The following HTR2C variants were observed in gnomAD, a reference collection of about 807,000 sequenced individuals.
The protein encoded by HTR2C is 5-hydroxytryptamine receptor 2C, also known as 5-hydroxytryptamine (serotonin) receptor 2C, G protein-coupled.
A neutral mutation model predicts 21.0 loss-of-function variants in HTR2C; 5 were observed. That is an observed-to-expected ratio of 0.24 (90% confidence interval 0.12 to 0.50). The LOEUF (loss-of-function observed/expected upper bound fraction) is 0.50, where lower values mean the gene tolerates loss of function less well. Ranked by LOEUF, HTR2C falls within the 20% of genes least tolerant of loss-of-function variation. HTR2C has a pLI of 0.98. For synonymous variants in HTR2C, 150 were observed against 145.3 expected, an observed-to-expected ratio of 1.03 and a Z score of -0.23; for missense variants, 271 against 371.2, an observed-to-expected ratio of 0.73 and a Z score of 2.22.
intron 4 of HTR2C, among the ~76,000 whole-genome samples, chrX:114,755,627 T>C (rs1302638373): frequency 8.9e-6 from 1 of 111,782 alleles, no homozygotes; most frequent in Non-Finnish European, 1.9e-5. Flanking sequence ...TGAGGTAACA[T>C]TCAAAGGTTC....
intron 2 of HTR2C, among the ~76,000 whole-genome samples, chrX:114,718,995 AAT>A (rs58055264): frequency 0.2 from 2,711 of 13,385 alleles, 45 homozygotes; most frequent in East Asian, 0.41. Context: ...ATAATAATAT[AAT>A]ATATAATAAT....
intron 2 of HTR2C, among the ~76,000 whole-genome samples, chrX:114,653,989 T>G (rs1156533029): frequency 9.0e-6 from 1 of 110,579 alleles, no homozygotes; most frequent in Non-Finnish European, 1.9e-5. Context: ...TCAGCACTTA[T>G]TAGGTGTGTA....
chrX:114,734,238 GA>G (rs782132911), intron 4 of HTR2C, among the ~76,000 whole-genome samples: 64 of 111,393 alleles, frequency 5.7e-4, no homozygotes, highest in African/African-American at 2.0e-3. Flanking sequence ...GACGAAGAAA[GA>G]AGTAAAATAT....
intron 2 of HTR2C, among the ~76,000 whole-genome samples, chrX:114,703,611 A>C (rs1303741473): frequency 8.9e-6 from 1 of 112,103 alleles, no homozygotes; most frequent in African/African-American, 3.2e-5. Flanking sequence ...GAAAGCAGGA[A>C]AGATCCAAAC....
intron 4 of HTR2C, among the ~76,000 whole-genome samples, chrX:114,758,054 T>C (rs1399260599): frequency 1.8e-5 from 2 of 111,347 alleles, no homozygotes; most frequent in African/African-American, 3.3e-5. Flanking sequence ...TCCTGCAGAT[T>C]TGCTACTCTA....
At chrX:114,809,272 C>T (rs782435933) in intron 4 of HTR2C, among the ~76,000 whole-genome samples, 6 of 110,721 alleles carry the variant, frequency 5.4e-5, no homozygotes, top group Admixed American at 1.9e-4. Context: ...TTCCCATGGC[C>T]GCCACCACCC....
At chrX:114,641,850 C>G (rs1206211088) in intron 2 of HTR2C, among the ~76,000 whole-genome samples, 1 of 111,045 alleles carries the variant, frequency 9.0e-6, no homozygotes, top group African/African-American at 3.3e-5. Flanking sequence ...AGGTATTAAG[C>G]CCAGCACGCA....
chrX:114,842,995 G>T (rs1556466099), intron 4 of HTR2C, among the ~76,000 whole-genome samples: 1 of 111,747 alleles, frequency 8.9e-6, no homozygotes, highest in Non-Finnish European at 1.9e-5. Flanking sequence ...TTCAGGAAGG[G>T]AAGAAAATCT....
At chrX:114,709,565 A>C (rs1422917569) in intron 2 of HTR2C, among the ~76,000 whole-genome samples, 2 of 112,415 alleles carry the variant, frequency 1.8e-5, no homozygotes, top group South Asian at 3.7e-4. Context: ...AGAGTTTTGC[A>C]TAAACAACTT....
At chrX:114,885,066 C>T (rs1366183246) in intron 5 of HTR2C, among the ~76,000 whole-genome samples, 1 of 110,651 alleles carries the variant, frequency 9.0e-6, no homozygotes, top group African/African-American at 3.3e-5. Context: ...GGAAAAATAA[C>T]TAATGGGTAC....
At chrX:114,689,217 T>TATATATATATATATATAC (rs1932029676) in intron 2 of HTR2C, among the ~76,000 whole-genome samples, 1 of 98,952 alleles carries the variant, frequency 1.0e-5, no homozygotes, top group Non-Finnish European at 2.0e-5. Context: ...CGTATATATA[T>TATATATATATATATATAC]ATATATATAT....
At chrX:114,721,487 A>G (rs1933212838) in intron 2 of HTR2C, among the ~76,000 whole-genome samples, 1 of 92,118 alleles carries the variant, frequency 1.1e-5, no homozygotes, top group Non-Finnish European at 2.1e-5. Flanking sequence ...CTCTGATGGT[A>G]GTTTCTTTTG....
intron 4 of HTR2C, among the ~76,000 whole-genome samples, chrX:114,806,537 A>T (rs368593585): frequency 1.2e-5 from 1 of 81,230 alleles, no homozygotes; most frequent in East Asian, 4.0e-4. Flanking sequence ...CACCATATAT[A>T]TACCGTATAT....
intron 2 of HTR2C, among the ~76,000 whole-genome samples, chrX:114,679,197 T>C (rs1448133770): frequency 2.7e-5 from 3 of 111,623 alleles, no homozygotes; most frequent in African/African-American, 9.8e-5. Flanking sequence ...TGTTATATAC[T>C]TTGCTTTTTC....
intron 2 of HTR2C, among the ~76,000 whole-genome samples, chrX:114,710,038 G>T (rs1300486511): frequency 8.9e-6 from 1 of 111,871 alleles, no homozygotes; most frequent in Non-Finnish European, 1.9e-5. Flanking sequence ...AGAAGCAGGA[G>T]ACTGGCTTCT....
chrX:114,724,229 G>C (rs1933351397), intron 2 of HTR2C, among the ~76,000 whole-genome samples: 1 of 91,682 alleles, frequency 1.1e-5, no homozygotes, highest in Non-Finnish European at 2.2e-5. Context: ...ATTTAGGATA[G>C]TTAGCTCTTC....
chrX:114,874,232 G>A (rs2071114578), intron 5 of HTR2C, among the ~76,000 whole-genome samples: 1 of 110,780 alleles, frequency 9.0e-6, no homozygotes. Context: ...TGTAAATAGT[G>A]CATCAATAAA....
intron 2 of HTR2C, among the ~76,000 whole-genome samples, chrX:114,633,005 C>T (rs1372078520): frequency 9.1e-6 from 1 of 110,219 alleles, no homozygotes; most frequent in African/African-American, 3.3e-5. Context: ...CACAAATATC[C>T]CACTGATAAT....
rs782179904 is a variant in HTR2C, at chrX:114,703,167, C to G, written c.-79-23691C>G. ...ACAGATCAACAAGACAGAAAGTTAA[C>G]AAGGATACCCAGGAATTGAACTCAG... is the stretch of plus-strand genomic sequence containing the variant. On this transcript the variant is annotated intron_variant, in intron 2 of 5. Transcript: ENST00000276198. Among the ~76,000 whole-genome samples the G allele has an allele frequency of 3.7e-3, 398 of 107,829 alleles. 3 individuals are homozygous for G. Among genetic ancestry groups the G allele is most frequent in the African/African-American group, 0.012 (370 of 29,765 alleles). The allele number at this position is 107,829 out of a possible 115,157, so 93.6% of individuals were successfully genotyped here. A position where few individuals can be genotyped will look rare whatever the true frequency, so the allele number is the denominator to read the frequency against.
Sources: gnomAD v4.1 joint callset for allele counts (sites outside exome capture counted in the v4.1 genomes callset) on GRCh38, gnomAD v4.1.1 for gene constraint, MANE v1.5 for transcripts, NCBI Gene and HGNC (gene_info 2026-07-23, HGNC 2026-07-21) for gene names.